The following OXCT1 variants were observed in gnomAD, a reference collection of about 807,000 sequenced individuals.
OXCT1 encodes the protein 3-oxoacid CoA-transferase 1.
Under a neutral mutation model 69.6 loss-of-function variants are expected in OXCT1, and 27 were observed. The observed-to-expected ratio is 0.39, with a 90% CI of 0.29 to 0.54. The LOEUF (loss-of-function observed/expected upper bound fraction) is 0.54, where lower values mean the gene tolerates loss of function less well. Ranked by LOEUF, OXCT1 falls within the 20% of genes least tolerant of loss-of-function variation. OXCT1 has a pLI of 0.72. For synonymous variants in OXCT1, 202 were observed against 217.8 expected (o/e 0.93, Z 0.64); for missense variants, 437 against 650.2 (o/e 0.67, Z 3.57).
intron 11 of OXCT1, among the ~76,000 whole-genome samples, chr5:41,799,459 TGAAATATAAAATTGGTG>T (rs902867293): frequency 6.6e-6 from 1 of 152,218 alleles, no homozygotes; most frequent in Non-Finnish European, 1.5e-5. Flanking sequence ...GTGTTGAAGT[TGAAATATAAAATTGGTG>T]GAAATATAAA....
chr5:41,734,373 T>C, intron 16 of OXCT1, among the ~76,000 whole-genome samples: 1 of 152,190 alleles, frequency 6.6e-6, no homozygotes, highest in Non-Finnish European at 1.5e-5. Context: ...ATATGGTTTA[T>C]AAAAACACCT....
chr5:41,766,035 T>C (rs1179287407), intron 13 of OXCT1, among the ~76,000 whole-genome samples: 1 of 152,128 alleles, frequency 6.6e-6, no homozygotes, highest in East Asian at 1.9e-4. Context: ...CTTCTGGGAA[T>C]GATTGAAGCA....
chr5:41,828,188 A>G (rs1579824118), intron 7 of OXCT1, among the ~76,000 whole-genome samples: 1 of 149,764 alleles, frequency 6.7e-6, no homozygotes, highest in African/African-American at 2.5e-5. Flanking sequence ...TCTCACTGCA[A>G]CCTCCGCCTC....
At position 41,762,223 on chromosome 5, in the gene OXCT1, C is replaced by A; in HGVS notation, c.1249-23G>T. On this transcript the variant is annotated intron_variant, in intron 13 of 16. Transcript: ENST00000196371. This position sits in a 1 kb window ranked among gnomAD's most constrained non-coding sequence, Gnocchi z 4.0. Reference sequence around the variant, plus strand: ...CCCCTGCAAAACAAAAAATAAATAGCTCTGTATCTTTCACTTCTTTTGTAT... The same window carrying A: ...CCCCTGCAAAACAAAAAATAAATAGATCTGTATCTTTCACTTCTTTTGTAT... 1 of 1,535,646 alleles carries A rather than the reference C, an allele frequency of 6.5e-7. No individual in the cohort carries two copies. Among genetic ancestry groups the A allele is most frequent in the African/African-American group, 1.4e-5 (1 of 73,456 alleles).
chr5:41,750,732 G>T (rs774642818), intron 14 of OXCT1, among the ~76,000 whole-genome samples: 2 of 152,006 alleles, frequency 1.3e-5, no homozygotes, highest in African/African-American at 4.8e-5. Flanking sequence ...TTTCAGATAG[G>T]TGGACTCCAT....
chr5:41,812,420 A>G (rs979330983), intron 7 of OXCT1, among the ~76,000 whole-genome samples: 2 of 152,090 alleles, frequency 1.3e-5, no homozygotes, highest in Non-Finnish European at 2.9e-5. Flanking sequence ...AGAGAATTGC[A>G]TATAAAGAAA....
At chr5:41,779,576 A>C (rs1745295798) in intron 13 of OXCT1, among the ~76,000 whole-genome samples, 1 of 152,204 alleles carries the variant, frequency 6.6e-6, no homozygotes, top group Non-Finnish European at 1.5e-5. Flanking sequence ...TCAGGTCTTT[A>C]AAATTCTATG....
chr5:41,845,334 G>A (rs1362935958), intron 5 of OXCT1, among the ~76,000 whole-genome samples: 5 of 152,168 alleles, frequency 3.3e-5, no homozygotes, highest in African/African-American at 4.8e-5. Context: ...TGGAATATCA[G>A]CTGCCTGGCC....
intron 11 of OXCT1, among the ~76,000 whole-genome samples, chr5:41,796,235 C>G (rs1746175337): frequency 1.3e-5 from 2 of 152,214 alleles, no homozygotes; most frequent in African/African-American, 4.8e-5. Context: ...ATCTAAGCTG[C>G]TCCCATCTTG....
At chr5:41,846,129 T>C (rs1256443789) in intron 5 of OXCT1, among the ~76,000 whole-genome samples, 1 of 151,858 alleles carries the variant, frequency 6.6e-6, no homozygotes, top group Non-Finnish European at 1.5e-5. Flanking sequence ...TGTATGTATT[T>C]ATTTATTTAT....
At chr5:41,842,645 G>A (rs1392904464) in intron 6 of OXCT1, 30 bp downstream of exon 6, 9 of 1,429,106 alleles carry the variant, frequency 6.3e-6, no homozygotes, top group Non-Finnish European at 8.9e-6. Flanking sequence ...TTGCTGATAT[G>A]CACGAGTGTT....
chr5:41,756,411 T>C (rs1298872126), intron 14 of OXCT1, among the ~76,000 whole-genome samples: 6 of 152,058 alleles, frequency 3.9e-5, no homozygotes, highest in Admixed American at 3.3e-4. Context: ...GCAGAATGCA[T>C]GGACTCTGGG....
intron 9 of OXCT1, among the ~76,000 whole-genome samples, chr5:41,804,090 C>T (rs1746551865): frequency 6.6e-6 from 1 of 152,074 alleles, no homozygotes; most frequent in African/African-American, 2.4e-5. Context: ...CAAAAGCCAG[C>T]AGTACAACTC....
intron 7 of OXCT1, among the ~76,000 whole-genome samples, chr5:41,822,179 G>A (rs1337326901): frequency 6.6e-6 from 1 of 152,156 alleles, no homozygotes; most frequent in African/African-American, 2.4e-5. Context: ...ACAAAGAGAA[G>A]TAAATGGAAC....
intron 15 of OXCT1, among the ~76,000 whole-genome samples, chr5:41,749,061 A>G (rs1439864773): frequency 6.6e-6 from 1 of 152,058 alleles, no homozygotes; most frequent in Non-Finnish European, 1.5e-5. Flanking sequence ...AGAGAGCAGA[A>G]AGCATGCAAG....
At chr5:41,794,849 A>G in intron 11 of OXCT1, 100 bp from the exon 12 acceptor site, 2 of 1,327,958 alleles carry the variant, frequency 1.5e-6, no homozygotes, top group Admixed American at 1.8e-5. Context: ...AAAAGAACTT[A>G]AGCTCCCTTT....
At chr5:41,807,948 C>T (rs923140730) in intron 7 of OXCT1, among the ~76,000 whole-genome samples, 9 of 152,008 alleles carry the variant, frequency 5.9e-5, no homozygotes, top group African/African-American at 1.2e-4. Context: ...TTCCTAGGAT[C>T]GTGATACAAC....
intron 13 of OXCT1, among the ~76,000 whole-genome samples, chr5:41,779,906 A>G (rs1424760253): frequency 6.6e-6 from 1 of 152,192 alleles, no homozygotes; most frequent in East Asian, 1.9e-4. Context: ...CTCAAAGATT[A>G]TGACATGCAA....
At chr5:41,790,582 G>T (rs1395182657) in intron 13 of OXCT1, among the ~76,000 whole-genome samples, 1 of 152,198 alleles carries the variant, frequency 6.6e-6, no homozygotes, top group Non-Finnish European at 1.5e-5. Flanking sequence ...ATGCTATAAT[G>T]ATTGATGATA....
Sources: gnomAD v4.1 joint callset for allele counts (sites outside exome capture counted in the v4.1 genomes callset) on GRCh38, gnomAD v4.1.1 for gene constraint, Gnocchi (gnomAD v3.1) non-coding constraint, MANE v1.5 for transcripts, NCBI Gene and HGNC (gene_info 2026-07-23, HGNC 2026-07-21) for gene names.